The following CLASP1 variants were observed in gnomAD, a reference collection of about 807,000 sequenced individuals.
CLASP1 encodes cytoplasmic linker associated protein 1.
CLASP1 carries 38 observed loss-of-function variants against 192.3 expected under a neutral mutation model. The observed-to-expected ratio is 0.20, with a 90% confidence interval of 0.15 to 0.26. CLASP1 has a LOEUF of 0.26. Ranked by LOEUF, CLASP1 falls within the 10% of genes least tolerant of loss-of-function variation. The pLI is 1.00. For missense variants in CLASP1, 1,433 were observed against 1,932.5 expected (o/e 0.74, Z 4.85); for synonymous variants, 691 against 712.8 (o/e 0.97, Z 0.49).
rs74990049 is a variant in CLASP1 at position 121,618,541 on chromosome 2, T to C, written c.-285-12361A>G. On this transcript the variant is annotated intron_variant, in intron 1 of 39. Coordinates refer to ENST00000263710, the Ensembl canonical transcript of CLASP1. ...GGAAACTTATTAGAAGGATGTCTGA[T>C]AATTATTCCATACATACACCAAGAA... Among the ~76,000 whole-genome samples, 1,329 of 152,338 alleles carry C rather than the reference T, an allele frequency of 8.7e-3. 14 individuals are homozygous for C. Among genetic ancestry groups the C allele is most frequent in the African/African-American group, 0.03 (1,246 of 41,584 alleles).
Position 121,367,646 on chromosome 2 carries a change from G to A in CLASP1, c.3828C>T (p.Tyr1276=), listed in dbSNP as rs192188649. The A allele has an allele frequency of 2.5e-5, 40 of 1,614,038 alleles. No individual in the cohort carries two copies. In the East Asian group the frequency reaches 7.6e-4, roughly 31 times the overall value. Reference sequence around the variant, plus strand: ...CAGCCTCTTTCAGGGCGGTCTTGTCGTAGGTGTTGATGGCATCTGAGTAGG... The same window carrying A: ...CAGCCTCTTTCAGGGCGGTCTTGTCATAGGTGTTGATGGCATCTGAGTAGG... Residue 1276 remains tyrosine, a synonymous_variant, in exon 35 of 40, where the codon TAC becomes TAT. Coordinates refer to ENST00000263710, the Ensembl canonical transcript of CLASP1.
At chr2:121,436,564 C>T (rs1275271995) in intron 19 of CLASP1, among the ~76,000 whole-genome samples, 1 of 151,836 alleles carries the variant, frequency 6.6e-6, no homozygotes, top group Non-Finnish European at 1.5e-5. Flanking sequence ...GTGCGAGCCA[C>T]CACGCCCAGC....
chr2:121,610,844 T>TGGA (rs760150260), intron 1 of CLASP1, among the ~76,000 whole-genome samples: 1 of 111,706 alleles, frequency 9.0e-6, no homozygotes, highest in Non-Finnish European at 1.8e-5. Context: ...GAAGAGGAAC[T>TGGA]GGAGGAGGAG....
intron 19 of CLASP1, among the ~76,000 whole-genome samples, chr2:121,446,653 G>A (rs1366921531): frequency 6.6e-6 from 1 of 152,180 alleles, no homozygotes; most frequent in African/African-American, 2.4e-5. Context: ...CACAGTACGT[G>A]TTAAGCAACT....
rs533486462 is a variant in CLASP1, at chr2:121,410,763, G to A, written c.2424+103C>T. On this transcript the variant is annotated intron_variant, in intron 24 of 39. Coordinates refer to ENST00000263710, the Ensembl canonical transcript of CLASP1. ...TAACACAATTTTAAAGAGTTTCAAA[G>A]ATGAATTCATAACCTGATTTGGGGG... 9.7e-6 allele frequency: 6 copies of A among 617,758 alleles called. No homozygotes were observed. The East Asian group carries it at 1.8e-4, about 19-fold the overall frequency. 38.3% of individuals were successfully genotyped at this position (617,758 alleles called of 1,614,324 possible). A position where few individuals can be genotyped will look rare whatever the true frequency, so the allele number is the denominator to read the frequency against.
chr2:121,506,516 G>A (rs1386731121), intron 7 of CLASP1, among the ~76,000 whole-genome samples: 1 of 152,070 alleles, frequency 6.6e-6, no homozygotes, highest in Admixed American at 6.6e-5. Flanking sequence ...GGGGAAGGAG[G>A]GGTAGAAATT....
chr2:121,441,535 A>G (rs1352041685), intron 19 of CLASP1, among the ~76,000 whole-genome samples: 1 of 152,026 alleles, frequency 6.6e-6, no homozygotes, highest in African/African-American at 2.4e-5. Flanking sequence ...AGACCAGACT[A>G]GGCAACATAG....
rs1363245649 is a variant in CLASP1 at position 121,464,053 on chromosome 2, T to C, written c.866-1448A>G. 7.0e-5 allele frequency among the ~76,000 whole-genome samples: 10 copies of C among 142,156 alleles called. 1 individual carries two copies. In the East Asian group the frequency reaches 1.3e-3, roughly 18 times the overall value. The allele number at this position is 142,156 out of a possible 152,430, so 93.3% of individuals were successfully genotyped here. ...ATGTTCCCCTTCCTGTGTCCATGTG[T>C]TCTCATTGTTCAATTCCCACCTATG... On this transcript the variant is annotated intron_variant, in intron 9 of 39. Transcript: ENST00000263710.
In CLASP1 at chr2:121,610,810, G is replaced by A. The variant is rs555771313; in HGVS notation, c.-285-4630C>T. On this transcript the variant is annotated intron_variant, in intron 1 of 39. Transcript: ENST00000263710. ...AGAGTTACAGGAGGAAGAGGAACTG[G>A]AGCAGGAGGAAGAGTTACAGGAGGA... 1.6e-3 allele frequency among the ~76,000 whole-genome samples: 218 copies of A among 134,684 alleles called. 2 individuals are homozygous for A. The highest frequency in any genetic ancestry group is 3.8e-3 in the Admixed American group (52 of 13,696). 88.4% of individuals were successfully genotyped at this position (134,684 alleles called of 152,430 possible). A position where few individuals can be genotyped will look rare whatever the true frequency, so the allele number is the denominator to read the frequency against.
At chr2:121,387,950 T>A (rs1251988940) in intron 30 of CLASP1, 44 bp from the exon 32 acceptor site, 1 of 1,434,148 alleles carries the variant, frequency 7.0e-7, no homozygotes, top group Non-Finnish European at 9.6e-7. Flanking sequence ...GTACAATAGG[T>A]CATCAAAATG....
At position 121,553,993 on chromosome 2, in the gene CLASP1, T is replaced by A. The variant is rs189501911; in HGVS notation, c.196-23668A>T. 1.3e-4 allele frequency among the ~76,000 whole-genome samples: 19 copies of A among 151,596 alleles called. No homozygotes were observed. In the East Asian group the frequency reaches 3.7e-3, roughly 30 times the overall value. On this transcript the variant is annotated intron_variant, in intron 2 of 39. Transcript: ENST00000263710. Reference sequence around the variant, plus strand: ...CTTTGGGAGGCCAAGATGGGAGAGCTGCTTAAGCCCAGTAGTTCAAGATTA... The same window carrying A: ...CTTTGGGAGGCCAAGATGGGAGAGCAGCTTAAGCCCAGTAGTTCAAGATTA...
At chr2:121,380,608 C>T (rs564431091) in intron 33 of CLASP1, among the ~76,000 whole-genome samples, 1 of 152,264 alleles carries the variant, frequency 6.6e-6, no homozygotes, top group South Asian at 2.1e-4. Flanking sequence ...GAGAGAGAAG[C>T]CTGCCTTCTT....
intron 13 of CLASP1, among the ~76,000 whole-genome samples, chr2:121,458,345 A>C (rs1420865920): frequency 1.3e-5 from 2 of 152,204 alleles, no homozygotes; most frequent in Non-Finnish European, 2.9e-5. Flanking sequence ...AAACCTGTGT[A>C]TAAATTACTT....
chr2:121,418,937 A>G (rs1023165059), intron 22 of CLASP1, among the ~76,000 whole-genome samples: 1 of 152,184 alleles, frequency 6.6e-6, no homozygotes, highest in African/African-American at 2.4e-5. Context: ...ATTATGCTCA[A>G]TACCTCAGAA....
chr2:121,521,499 A>T (rs1575627056), intron 6 of CLASP1, among the ~76,000 whole-genome samples: 2 of 152,192 alleles, frequency 1.3e-5, no homozygotes, highest in Non-Finnish European at 2.9e-5. Context: ...AGCTACTGGC[A>T]GATCCCGGAA....
At chr2:121,550,005 CAAAAAAAAAAA>C (rs59439843) in intron 2 of CLASP1, among the ~76,000 whole-genome samples, 2 of 55,676 alleles carry the variant, frequency 3.6e-5, no homozygotes, top group Non-Finnish European at 8.1e-5. Context: ...GACTCCGTCT[CAAAAAAAAAAA>C]AAAAAAAAAA....
intron 30 of CLASP1, among the ~76,000 whole-genome samples, chr2:121,393,706 C>T (rs2074772057): frequency 6.6e-6 from 1 of 152,036 alleles, no homozygotes; most frequent in Admixed American, 6.6e-5. Flanking sequence ...AGTGAATCTA[C>T]CTCCAAAAAG....
At chr2:121,599,587 C>CAAAA (rs763909303) in intron 2 of CLASP1, among the ~76,000 whole-genome samples, 1 of 41,196 alleles carries the variant, frequency 2.4e-5, no homozygotes, top group African/African-American at 9.3e-5. Context: ...GACTCCATCT[C>CAAAA]AAAAAAAAAA....
chr2:121,584,703 T>A (rs2061539742), intron 2 of CLASP1, among the ~76,000 whole-genome samples: 1 of 152,196 alleles, frequency 6.6e-6, no homozygotes, highest in South Asian at 2.1e-4. Context: ...AGTACACATT[T>A]TGACACACTG....
Sources: allele counts gnomAD v4.1 joint callset (sites outside exome capture counted in the v4.1 genomes callset), GRCh38; gene constraint gnomAD v4.1.1; transcripts MANE v1.5; gene names NCBI Gene and HGNC (gene_info 2026-07-23, HGNC 2026-07-21).